WIPF2: variants seen among roughly 807,000 people sequenced by gnomAD.
The protein encoded by WIPF2 is WAS/WASL-interacting protein family member 2.
Under a neutral mutation model 38.8 loss-of-function variants are expected in WIPF2, and 23 were observed. That is an observed-to-expected ratio of 0.59 (90% confidence interval 0.43 to 0.84). The LOEUF is 0.84. WIPF2 is among the 40% of genes least tolerant of loss of function. WIPF2 has a pLI of 0.00. For missense variants in WIPF2, 574 were observed against 580.5 expected (o/e 0.99, Z 0.11); for synonymous variants, 210 against 223.2 (o/e 0.94, Z 0.53).
rs1199219991 is a variant in WIPF2, at chr17:40,265,258, G to T, written c.970+112G>T. 3 of 1,326,094 alleles carry T rather than the reference G, an allele frequency of 2.3e-6. No homozygotes were observed. The East Asian group carries it at 7.1e-5, about 31-fold the overall frequency. The allele number at this position is 1,326,094 out of a possible 1,614,324, so 82.1% of individuals were successfully genotyped here. A position where few individuals can be genotyped will look rare whatever the true frequency, so the allele number is the denominator to read the frequency against. ...TTTATTCACTCAGTGGGTTTATTGA[G>T]TACCTTTTTATGTGTCAGGTCTGTT... On this transcript the variant is annotated intron_variant, in intron 5 of 7. Coordinates refer to ENST00000323571, the MANE Select transcript of WIPF2 (RefSeq NM_133264.5).
intron 5 of WIPF2, 26 bp from the exon 6 acceptor site, chr17:40,273,764 C>T (rs937642048): frequency 2.0e-6 from 3 of 1,527,434 alleles, no homozygotes; most frequent in Admixed American, 1.7e-5. Context: ...ACATCCAAAC[C>T]TAACTACTTT....
intron 5 of WIPF2, among the ~76,000 whole-genome samples, chr17:40,269,193 G>A (rs886252196): frequency 6.6e-6 from 1 of 152,038 alleles, no homozygotes; most frequent in African/African-American, 2.4e-5. Flanking sequence ...GATGGCGGGT[G>A]CCTGTAATCC....
At chr17:40,234,376 T>G (rs1049919054) in intron 1 of WIPF2, among the ~76,000 whole-genome samples, 2 of 151,966 alleles carry the variant, frequency 1.3e-5, no homozygotes, top group African/African-American at 4.8e-5. Context: ...GAGGTTGCAG[T>G]GAGCTGAGAT....
intron 1 of WIPF2, among the ~76,000 whole-genome samples, chr17:40,251,353 T>TA (rs914363131): frequency 1.3e-5 from 2 of 151,836 alleles, no homozygotes; most frequent in Admixed American, 1.3e-4. Flanking sequence ...TTTTTTTTTT[T>TA]AACTCAAAGT....
At chr17:40,260,902 C>A in intron 3 of WIPF2, 1 of 535,692 alleles carries the variant, frequency 1.9e-6, no homozygotes, top group Non-Finnish European at 3.3e-6. Flanking sequence ...CCTGTAAGCC[C>A]AGCACTTTGG....
At chr17:40,258,935 T>G (rs2031812342) in intron 2 of WIPF2, among the ~76,000 whole-genome samples, 1 of 143,098 alleles carries the variant, frequency 7.0e-6, no homozygotes, top group African/African-American at 2.6e-5. Context: ...TGCATGACAC[T>G]GCATATAGCT....
intron 5 of WIPF2, among the ~76,000 whole-genome samples, chr17:40,265,481 T>TA (rs2032060432): frequency 6.6e-6 from 1 of 152,186 alleles, no homozygotes; most frequent in Non-Finnish European, 1.5e-5. Context: ...TCCTTACTGA[T>TA]ACGGTGAAAA....
At chr17:40,259,114 A>G (rs1275454182) in intron 2 of WIPF2, among the ~76,000 whole-genome samples, 2 of 147,844 alleles carry the variant, frequency 1.4e-5, no homozygotes, top group African/African-American at 5.0e-5. Flanking sequence ...CCTGGCTTCA[A>G]GTGATCCTTT....
chr17:40,228,753 T>C (rs2030609480), intron 1 of WIPF2, among the ~76,000 whole-genome samples: 1 of 151,926 alleles, frequency 6.6e-6, no homozygotes, highest in South Asian at 2.1e-4. Flanking sequence ...CTCAGCCTCC[T>C]GTGTAGCTGG....
At chr17:40,257,965 A>G (rs1396949449) in intron 2 of WIPF2, among the ~76,000 whole-genome samples, 1 of 152,154 alleles carries the variant, frequency 6.6e-6, no homozygotes, top group Non-Finnish European at 1.5e-5. Context: ...TTTGTTTCTG[A>G]ACTAGGACTA....
At chr17:40,239,008 C>T (rs568648716) in intron 1 of WIPF2, among the ~76,000 whole-genome samples, 2 of 152,164 alleles carry the variant, frequency 1.3e-5, no homozygotes, top group Non-Finnish European at 2.9e-5. Flanking sequence ...GCTGGGACTA[C>T]AGGCTCATGC....
intron 1 of WIPF2, among the ~76,000 whole-genome samples, chr17:40,228,032 T>TTTG: frequency 7.5e-6 from 1 of 134,218 alleles, no homozygotes; most frequent in Non-Finnish European, 1.6e-5. Flanking sequence ...TTTTTTTTTT[T>TTTG]TGAGACGGAG....
chr17:40,272,395 T>C (rs1375952763), intron 5 of WIPF2, among the ~76,000 whole-genome samples: 1 of 152,244 alleles, frequency 6.6e-6, no homozygotes, highest in Non-Finnish European at 1.5e-5. Context: ...TAATAGTGTT[T>C]ACAGCTCTGA....
Position 40,239,212 on chromosome 17 carries a change from C to G in WIPF2, c.-69-17179C>G, listed in dbSNP as rs1034942099. On this transcript the variant is annotated intron_variant, in intron 1 of 7. Transcript: ENST00000323571. ...TCAGCCTCCCAAGTAGCTGGGACCA[C>G]AGGCGCCCGCCACCACGCCCGGCTA... Among the ~76,000 whole-genome samples the G allele has an allele frequency of 1.1e-4, 16 of 151,934 alleles. No individual in the cohort carries two copies. The East Asian group carries it at 1.7e-3, about 17-fold the overall frequency.
chr17:40,282,351 C>T lies in WIPF2; in HGVS notation c.*4126C>T, dbSNP rs999512268. 10 of 152,192 alleles carry T rather than the reference C, an allele frequency of 6.6e-5. No homozygotes were observed. The highest frequency in any genetic ancestry group is 6.5e-4 in the Admixed American group (10 of 15,274). 9.4% of individuals were successfully genotyped at this position (152,192 alleles called of 1,614,324 possible). On this transcript the variant is annotated 3_prime_UTR_variant, in exon 8 of 8. Transcript: ENST00000323571. ...TCATTCCACTGGTGGCAAGATGGGGCCTAGCCTTCTTTTCACATGTCTAAT... is the reference window on the plus strand; with the variant it reads ...TCATTCCACTGGTGGCAAGATGGGGTCTAGCCTTCTTTTCACATGTCTAAT...
chr17:40,261,119 C>T (rs994441322), intron 3 of WIPF2, among the ~76,000 whole-genome samples: 1 of 150,652 alleles, frequency 6.6e-6, no homozygotes, highest in Non-Finnish European at 1.5e-5. Context: ...CCTTTGAGGA[C>T]ACTGTCACAT....
Position 40,279,863 on chromosome 17 carries a change from A to AG in WIPF2, c.*1638_*1639insG, listed in dbSNP as rs1353217812. ...AGACTCCGTCTCAAAAAAAAAAAAAAAAAAAAAATTTAATCACACACATCA... is the reference window on the plus strand; with the variant it reads ...AGACTCCGTCTCAAAAAAAAAAAAAAGAAAAAAAATTTAATCACACACATCA... On this transcript the variant is annotated 3_prime_UTR_variant, in exon 8 of 8. Coordinates refer to ENST00000323571, the MANE Select transcript of WIPF2 (RefSeq NM_133264.5). 6.6e-6 allele frequency: 1 copy of AG among 152,054 alleles called. No homozygotes were observed. Among genetic ancestry groups the AG allele is most frequent in the Non-Finnish European group, 1.5e-5 (1 of 68,186 alleles). The allele number at this position is 152,054 out of a possible 1,614,324, so 9.4% of individuals were successfully genotyped here.
intron 1 of WIPF2, among the ~76,000 whole-genome samples, chr17:40,244,913 A>G (rs1196434196): frequency 6.6e-6 from 1 of 151,990 alleles, no homozygotes; most frequent in Non-Finnish European, 1.5e-5. Flanking sequence ...TTTCCCTGTG[A>G]CTGTATTATT....
At chr17:40,264,347 AAAAAAAG>A in intron 4 of WIPF2, 136 bp from the exon 5 acceptor site, 17 of 675,724 alleles carry the variant, frequency 2.5e-5, no homozygotes, top group Non-Finnish European at 3.6e-5. Flanking sequence ...AAAAAAAAAA[AAAAAAAG>A]AAAAACAAAA....
Sources: gnomAD v4.1 joint callset for allele counts (sites outside exome capture counted in the v4.1 genomes callset) on GRCh38, gnomAD v4.1.1 for gene constraint, MANE v1.5 for transcripts, NCBI Gene and HGNC (gene_info 2026-07-23, HGNC 2026-07-21) for gene names.